CTSC: variants seen among roughly 807,000 people sequenced by gnomAD.
CTSC encodes the protein cathepsin C.
In CTSC, 37 loss-of-function variants were observed where a neutral mutation model predicts 40.9. The observed-to-expected ratio is 0.91, with a 90% CI of 0.70 to 1.19. CTSC has a LOEUF of 1.19. Ranked by LOEUF, CTSC falls within the 50% of genes most tolerant of loss-of-function variation. The probability of loss-of-function intolerance (pLI) is 0.00; values close to 1 mark genes in which losing one functional copy is unlikely to be tolerated. For synonymous variants in CTSC, 232 were observed against 207.4 expected (o/e 1.12, Z -1.02); for missense variants, 594 against 567.3 (o/e 1.05, Z -0.48).
chr11:88,302,380 T>C (rs1214208569), intron 4 of CTSC, among the ~76,000 whole-genome samples: 3 of 151,934 alleles, frequency 2.0e-5, no homozygotes, highest in Non-Finnish European at 4.4e-5. Flanking sequence ...AATCCCAGCA[T>C]TGGGAGGCCG....
chr11:88,314,521 G>A (rs1204907702), intron 2 of CTSC, among the ~76,000 whole-genome samples: 1 of 152,022 alleles, frequency 6.6e-6, no homozygotes, highest in Non-Finnish European at 1.5e-5. Flanking sequence ...TATCTTTGGT[G>A]ATATTCATGA....
Position 88,309,168 on chromosome 11 carries a change from G to A in CTSC, c.636C>T (p.Ile212=). 6.2e-7 allele frequency: 1 copy of A among 1,613,744 alleles called. No individual in the cohort carries two copies. The highest frequency in any genetic ancestry group is 2.2e-5 in the East Asian group (1 of 44,860). Residue 212 remains isoleucine, a synonymous_variant, in exon 4 of 7, where the codon ATC becomes ATT. Transcript: ENST00000227266. ...IRRSGGHSRK[I]PRPKPAPLTA... Reference sequence around the variant, plus strand: ...TAAAATGTGTGCTTGATTACCTTGGGATTTTTCGACTGTGGCCACCACTTC... The same window carrying A: ...TAAAATGTGTGCTTGATTACCTTGGAATTTTTCGACTGTGGCCACCACTTC...
chr11:88,320,955 C>A, intron 2 of CTSC: 1 of 984,414 alleles, frequency 1.0e-6, no homozygotes, highest in Non-Finnish European at 1.2e-6. Context: ...GAGAGGAATA[C>A]AAACAGGCAA....
chr11:88,326,381 C>A (rs1197370885), intron 2 of CTSC: 5 of 1,613,868 alleles, frequency 3.1e-6, no homozygotes, highest in Non-Finnish European at 4.2e-6. Context: ...TGTCTCTTAG[C>A]CCCAACGTCT....
At chr11:88,310,098 C>T (rs1205644968) in intron 3 of CTSC, among the ~76,000 whole-genome samples, 1 of 151,852 alleles carries the variant, frequency 6.6e-6, no homozygotes, top group Non-Finnish European at 1.5e-5. Flanking sequence ...AGTTCTTGAA[C>T]CAATATCAGT....
intron 5 of CTSC, chr11:88,298,254 A>C (rs1944319363): frequency 1.3e-5 from 2 of 152,198 alleles, no homozygotes; most frequent in African/African-American, 4.8e-5. Flanking sequence ...CTTCTCTCTT[A>C]AAAATACAAT....
At chr11:88,322,802 A>G (rs1246309873) in intron 2 of CTSC, 1 of 152,226 alleles carries the variant, frequency 6.6e-6, no homozygotes, top group Non-Finnish European at 1.5e-5. Context: ...AAAAAAGTCC[A>G]GGACCAGATG....
intron 2 of CTSC, chr11:88,328,309 T>C (rs562903786): frequency 1.3e-6 from 1 of 766,138 alleles, no homozygotes; most frequent in South Asian, 1.5e-5. Flanking sequence ...CTGATACTTT[T>C]CCTCCACTGA....
chr11:88,295,478 CAGGTG>C (rs1371170930), intron 6 of CTSC, among the ~76,000 whole-genome samples: 3 of 151,808 alleles, frequency 2.0e-5, no homozygotes, highest in Non-Finnish European at 4.4e-5. Context: ...CTCCTGGGCT[CAGGTG>C]ATTCTTACAC....
At chr11:88,309,039 C>A in intron 4 of CTSC, 124 bp downstream of exon 4, 1 of 786,772 alleles carries the variant, frequency 1.3e-6, no homozygotes, top group South Asian at 1.5e-5. Flanking sequence ...GTTAACAGAT[C>A]ACATAAAAAG....
intron 2 of CTSC, among the ~76,000 whole-genome samples, chr11:88,315,104 C>T (rs747925547): frequency 2.0e-5 from 3 of 152,210 alleles, no homozygotes; most frequent in Non-Finnish European, 4.4e-5. Context: ...GCAACCTAAA[C>T]TCCATAAAGT....
At chr11:88,314,920 G>A (rs768043935) in intron 2 of CTSC, among the ~76,000 whole-genome samples, 1 of 152,066 alleles carries the variant, frequency 6.6e-6, no homozygotes, top group Non-Finnish European at 1.5e-5. Flanking sequence ...TCAAGTCCCT[G>A]CTAAAACCCT....
rs193270211 is a variant in CTSC, at chr11:88,305,622, G to A, written c.641+3541C>T. On this transcript the variant is annotated intron_variant, in intron 4 of 6. Transcript: ENST00000227266. The stretch of plus-strand genomic sequence containing the variant: ...AAGAATCTTTGAGAGTTTCTATTAC[G>A]TCATTGGATTCTTAGAACAGAACTA... Among the ~76,000 whole-genome samples the A allele has an allele frequency of 1.3e-3, 204 of 152,246 alleles. 5 individuals are homozygous for A. The highest frequency in any genetic ancestry group is 4.4e-3 in the African/African-American group (184 of 41,550).
Position 88,294,172 on chromosome 11 carries a change from A to G in CTSC, c.1226T>C (p.Leu409Pro), listed in dbSNP as rs1944272414. Residue 409 changes from leucine (L) to proline (P), a missense_variant, in exon 7 of 7, where the codon CTT becomes CCT. Transcript: ENST00000227266. The stretch of plus-strand genomic sequence containing the variant: ...GGCTGAGTCAGTGCCATAGCCCACA[A>G]GCAGAACAGCATGATTAGTCAGCTC... ...PFELTNHAVL[L>P]VGYGTDSASG... The G allele has an allele frequency of 3.1e-6, 5 of 1,613,840 alleles. No homozygotes were observed. Among genetic ancestry groups the G allele is most frequent in the East Asian group, 2.2e-5 (1 of 44,878 alleles).
Position 88,293,925 on chromosome 11 carries a change from G to A in CTSC, c.*81C>T. 4 of 1,462,902 alleles carry A rather than the reference G, an allele frequency of 2.7e-6. No individual in the cohort carries two copies. In the South Asian group the frequency reaches 4.6e-5, roughly 17 times the overall value. 90.6% of individuals were successfully genotyped at this position (1,462,902 alleles called of 1,614,324 possible). A position where few individuals can be genotyped will look rare whatever the true frequency, so the allele number is the denominator to read the frequency against. On this transcript the variant is annotated 3_prime_UTR_variant, in exon 7 of 7. Transcript: ENST00000227266. ...CTATTTGTAAGCTTCTGAGATTGCT[G>A]CTGAAAGTCTACAGTCTGTGAATAT...
In CTSC at chr11:88,300,618, T is replaced by C; in HGVS notation, c.669A>G (p.Glu223=). The C allele has an allele frequency of 6.2e-7, 1 of 1,613,446 alleles. No individual in the cohort carries two copies. Among genetic ancestry groups the C allele is most frequent in the African/African-American group, 1.3e-5 (1 of 75,054 alleles). The change falls in exon 5 of 7, where the codon GAA becomes GAG. Residue 223 remains glutamate (E), a synonymous_variant. Coordinates refer to ENST00000227266, the MANE Select transcript of CTSC (RefSeq NM_001814.6). ...PRPKPAPLTA[E]IQQKILHLPT... is the part of the protein sequence containing the mutation. ...GCAAATGCAAAATCTTTTGCTGTATTTCAGCAGTCAGTGGTGCAGGTTTGG... is the reference window on the plus strand; with the variant it reads ...GCAAATGCAAAATCTTTTGCTGTATCTCAGCAGTCAGTGGTGCAGGTTTGG...
At chr11:88,318,637 G>A (rs1937928911) in intron 2 of CTSC, among the ~76,000 whole-genome samples, 1 of 152,188 alleles carries the variant, frequency 6.6e-6, no homozygotes, top group African/African-American at 2.4e-5. Flanking sequence ...CAGGCGCAGT[G>A]GCTCATGCCT....
chr11:88,328,809 G>A (rs1029357094), intron 2 of CTSC, among the ~76,000 whole-genome samples: 7 of 152,034 alleles, frequency 4.6e-5, no homozygotes, highest in African/African-American at 7.2e-5. Flanking sequence ...TGTATTTTTA[G>A]TATAGAGGGG....
At chr11:88,301,788 A>G (rs2134772836) in intron 4 of CTSC, among the ~76,000 whole-genome samples, 1 of 117,706 alleles carries the variant, frequency 8.5e-6, no homozygotes, top group Admixed American at 9.0e-5. Context: ...ATACACATGC[A>G]CACACACACA....
Sources: gnomAD v4.1 joint callset for allele counts (sites outside exome capture counted in the v4.1 genomes callset) on GRCh38, gnomAD v4.1.1 for gene constraint, MANE v1.5 for transcripts, NCBI Gene and HGNC (gene_info 2026-07-23, HGNC 2026-07-21) for gene names.